The following VSTM4 variants were observed in gnomAD, a reference collection of about 807,000 sequenced individuals.
VSTM4 encodes V-set and transmembrane domain containing 4.
In VSTM4, 20 loss-of-function variants were observed where a neutral mutation model predicts 36.4. That is an observed-to-expected ratio of 0.55 (90% CI 0.39 to 0.80). VSTM4 has a LOEUF of 0.80. Among genes scored for constraint, VSTM4 ranks in the 30% least tolerant of loss-of-function variants. The pLI, the probability that VSTM4 is intolerant of heterozygous loss-of-function variation, is 0.00. For missense variants in VSTM4, 392 were observed against 404.5 expected, an observed-to-expected ratio of 0.97 and a Z score of 0.26; for synonymous variants, 182 against 173.9, an observed-to-expected ratio of 1.05 and a Z score of -0.37.
At chr10:49,092,850 A>G (rs971318563) in intron 2 of VSTM4, among the ~76,000 whole-genome samples, 1 of 152,146 alleles carries the variant, frequency 6.6e-6, no homozygotes, top group African/African-American at 2.4e-5. Context: ...GGAGCAGATT[A>G]TGCCAGCAGA....
intron 3 of VSTM4, among the ~76,000 whole-genome samples, chr10:49,078,124 C>T (rs1844212672): frequency 6.6e-6 from 1 of 152,212 alleles, no homozygotes; most frequent in Admixed American, 6.5e-5. Flanking sequence ...TCCCTCATGC[C>T]TTTCAGGGTG....
At chr10:49,029,448 G>A (rs941456237) in intron 7 of VSTM4, among the ~76,000 whole-genome samples, 3 of 152,172 alleles carry the variant, frequency 2.0e-5, no homozygotes, top group Admixed American at 2.0e-4. Flanking sequence ...TCACCATCTC[G>A]CTCCATCCTC....
At chr10:49,028,348 G>T (rs1239818154) in intron 7 of VSTM4, among the ~76,000 whole-genome samples, 1 of 152,210 alleles carries the variant, frequency 6.6e-6, no homozygotes, top group Non-Finnish European at 1.5e-5. Flanking sequence ...GCAATGGCCT[G>T]TCTAGCCTTC....
intron 3 of VSTM4, 129 bp from the exon 4 acceptor site, chr10:49,077,455 G>A (rs1844200463): frequency 1.3e-6 from 1 of 789,460 alleles, no homozygotes; most frequent in African/African-American, 1.7e-5. Context: ...GTGTGGTATT[G>A]GTGCAAGGAC....
chr10:49,101,696 C>T lies in VSTM4; in HGVS notation c.457+5898G>A, dbSNP rs1222563043. ...AGTGATAGCATTTTGGCATTGTCTACAAAAATTTTAAATATGCTTAGCCTT... is the reference window on the plus strand; with the variant it reads ...AGTGATAGCATTTTGGCATTGTCTATAAAAATTTTAAATATGCTTAGCCTT... On this transcript the variant is annotated intron_variant, in intron 2 of 7. Coordinates refer to ENST00000332853, the MANE Select transcript of VSTM4 (RefSeq NM_001031746.5). Among the ~76,000 whole-genome samples, 16 of 152,118 alleles carry T rather than the reference C, an allele frequency of 1.1e-4. 1 individual carries two copies. The highest frequency in any genetic ancestry group is 1.0e-3 in the Admixed American group (16 of 15,268).
chr10:49,077,415 T>G, intron 3 of VSTM4, 89 bp from the exon 4 acceptor site: 1 of 1,226,176 alleles, frequency 8.2e-7, no homozygotes, highest in Non-Finnish European at 1.2e-6. Flanking sequence ...TTGGAATATT[T>G]GAAATCCCAG....
chr10:49,063,286 G>T (rs1025769336), intron 5 of VSTM4, among the ~76,000 whole-genome samples: 1 of 152,120 alleles, frequency 6.6e-6, no homozygotes, highest in Admixed American at 6.5e-5. Flanking sequence ...AGTGAGCCAA[G>T]ATCATGCTAT....
Position 49,070,074 on chromosome 10 carries a change from A to T in VSTM4, c.635-5338T>A, listed in dbSNP as rs1278808088. ...GAGACCATCCCGGCTAAAACGGTGA[A>T]ACCCCGTCTCTACTAAAAATACAAA... On this transcript the variant is annotated intron_variant, in intron 4 of 7. Transcript: ENST00000332853. Among the ~76,000 whole-genome samples the T allele has an allele frequency of 1.6e-4, 12 of 75,600 alleles. 5 individuals are homozygous for T. The Admixed American group carries it at 1.7e-3, about 11-fold the overall frequency. 49.6% of individuals were successfully genotyped at this position (75,600 alleles called of 152,430 possible). A position where few individuals can be genotyped will look rare whatever the true frequency, so the allele number is the denominator to read the frequency against.
At chr10:49,111,189 G>C (rs1590142683) in intron 1 of VSTM4, among the ~76,000 whole-genome samples, 1 of 152,220 alleles carries the variant, frequency 6.6e-6, no homozygotes, top group South Asian at 2.1e-4. Context: ...GGAGGAGAGG[G>C]AATGCAGTTA....
chr10:49,022,549 A>G (rs933617603), intron 7 of VSTM4, among the ~76,000 whole-genome samples: 2 of 152,114 alleles, frequency 1.3e-5, no homozygotes, highest in Non-Finnish European at 1.5e-5. Flanking sequence ...CAATTTTTCA[A>G]TTTCAAAGTT....
intron 5 of VSTM4, among the ~76,000 whole-genome samples, chr10:49,057,063 G>A (rs1331061720): frequency 1.3e-5 from 2 of 151,992 alleles, no homozygotes; most frequent in Non-Finnish European, 2.9e-5. Context: ...GATCTCGTGT[G>A]AATTCATCAG....
intron 2 of VSTM4, among the ~76,000 whole-genome samples, chr10:49,092,950 G>A (rs887456474): frequency 6.6e-6 from 1 of 152,144 alleles, no homozygotes; most frequent in African/African-American, 2.4e-5. Flanking sequence ...AGTCAGAAGA[G>A]AGCTGGGGCC....
chr10:49,090,443 C>T (rs942939437), intron 2 of VSTM4, among the ~76,000 whole-genome samples: 2 of 152,220 alleles, frequency 1.3e-5, no homozygotes, highest in African/African-American at 4.8e-5. Context: ...AAGAGGAAAG[C>T]AAGTGCATGA....
At chr10:49,033,511 T>C (rs1396009865) in intron 7 of VSTM4, among the ~76,000 whole-genome samples, 3 of 152,272 alleles carry the variant, frequency 2.0e-5, no homozygotes, top group Admixed American at 1.3e-4. Context: ...TTTCACTTTC[T>C]ATTTTAACAA....
intron 2 of VSTM4, among the ~76,000 whole-genome samples, chr10:49,090,246 T>C (rs557609387): frequency 2.8e-4 from 42 of 152,318 alleles, no homozygotes; most frequent in Admixed American, 7.8e-4. Context: ...AGTCAATCAA[T>C]CTATCCCATT....
intron 7 of VSTM4, among the ~76,000 whole-genome samples, chr10:49,042,067 C>T (rs76924532): frequency 2.6e-5 from 4 of 152,294 alleles, no homozygotes; most frequent in East Asian, 1.9e-4. Flanking sequence ...AAAAGAGCCA[C>T]ATAAACACGC....
chr10:49,098,018 C>T lies in VSTM4; in HGVS notation c.457+9576G>A, dbSNP rs564972665. The stretch of plus-strand genomic sequence containing the variant: ...ATGCCTGCCAGGTATGAAACAAGTT[C>T]CAATTCAGTATGCCCTGGACACTCT... On this transcript the variant is annotated intron_variant, in intron 2 of 7. Coordinates refer to ENST00000332853, the MANE Select transcript of VSTM4 (RefSeq NM_001031746.5). Among the ~76,000 whole-genome samples, 9 of 152,304 alleles carry T rather than the reference C, an allele frequency of 5.9e-5. No individual in the cohort carries two copies. The East Asian group carries it at 1.7e-3, about 29-fold the overall frequency.
chr10:49,019,621 T>TA lies in VSTM4; in HGVS notation c.*28dup. 1 of 1,576,524 alleles carries TA rather than the reference T, an allele frequency of 6.3e-7. No homozygotes were observed. The highest frequency in any genetic ancestry group is 8.6e-7 in the Non-Finnish European group (1 of 1,159,158). On this transcript the variant is annotated 3_prime_UTR_variant, in exon 8 of 8. Coordinates refer to ENST00000332853, the MANE Select transcript of VSTM4 (RefSeq NM_001031746.5). ...TCATAAATCACTGGGTGGCAGGTATTAAATAGAACCTTGGAGGTGGACGCT... is the reference window on the plus strand; with the variant it reads ...TCATAAATCACTGGGTGGCAGGTATTAAAATAGAACCTTGGAGGTGGACGCT...
intron 3 of VSTM4, among the ~76,000 whole-genome samples, chr10:49,079,065 C>G (rs1844231841): frequency 6.6e-6 from 1 of 152,184 alleles, no homozygotes; most frequent in Non-Finnish European, 1.5e-5. Context: ...CTCCTGACTT[C>G]AGGTGATCCC....
Sources: allele counts gnomAD v4.1 joint callset (sites outside exome capture counted in the v4.1 genomes callset), GRCh38; gene constraint gnomAD v4.1.1; transcripts MANE v1.5; gene names NCBI Gene and HGNC (gene_info 2026-07-23, HGNC 2026-07-21).